The following FAF1 variants were observed in gnomAD, a reference collection of about 807,000 sequenced individuals.
FAF1 encodes the protein FAS-associated factor 1.
FAF1 carries 25 observed loss-of-function variants against 92.5 expected under a neutral mutation model. The ratio of observed to expected loss-of-function variants is 0.27; its 90% CI spans 0.20 to 0.38. FAF1 has a LOEUF of 0.38. FAF1 is among the 10% of genes least tolerant of loss of function. The probability of loss-of-function intolerance (pLI) is 1.00; values close to 1 mark genes in which losing one functional copy is unlikely to be tolerated. For synonymous variants in FAF1, 234 were observed against 273.2 expected (o/e 0.86, Z 1.42); for missense variants, 636 against 793.3 (o/e 0.80, Z 2.38).
intron 1 of FAF1, among the ~76,000 whole-genome samples, chr1:50,916,117 A>G (rs948222620): frequency 3.9e-5 from 6 of 152,214 alleles, no homozygotes; most frequent in African/African-American, 1.2e-4. Context: ...ACATTTGAGG[A>G]AAGCCTAGCA....
intron 17 of FAF1, among the ~76,000 whole-genome samples, chr1:50,486,148 G>C (rs1004052750): frequency 5.9e-5 from 9 of 152,148 alleles, no homozygotes; most frequent in African/African-American, 2.2e-4. Context: ...CCACTTAGTA[G>C]TCATTAATAT....
rs373578502 is a variant in FAF1 at position 50,561,848 on chromosome 1, CGGAAGGAAGGAA to C, written c.1268+5217_1268+5228del. 8.0e-3 allele frequency among the ~76,000 whole-genome samples: 1,022 copies of C among 128,548 alleles called. 10 individuals are homozygous for C. The highest frequency in any genetic ancestry group is 0.029 in the African/African-American group (904 of 30,820). 84.3% of individuals were successfully genotyped at this position (128,548 alleles called of 152,430 possible). ...TAGGACAGACGGATGGACGGATGGA[CGGAAGGAAGGAA>C]GGAAGGAAGGAAGGAAGGAAGGAAG... On this transcript the variant is annotated intron_variant, in intron 13 of 18. Transcript: ENST00000396153.
At chr1:50,463,260 C>T (rs1646454920) in intron 18 of FAF1, among the ~76,000 whole-genome samples, 1 of 152,132 alleles carries the variant, frequency 6.6e-6, no homozygotes, top group South Asian at 2.1e-4. Context: ...TTAAACACGT[C>T]CTGTATGATT....
At chr1:50,554,364 A>AATATATATAT (rs149420376) in intron 13 of FAF1, among the ~76,000 whole-genome samples, 9 of 117,182 alleles carry the variant, frequency 7.7e-5, no homozygotes, top group African/African-American at 1.4e-4. Flanking sequence ...AAATGAGGTA[A>AATATATATAT]ATATATATAT....
intron 2 of FAF1, among the ~76,000 whole-genome samples, chr1:50,809,925 T>C (rs1384710083): frequency 6.6e-6 from 1 of 152,222 alleles, no homozygotes; most frequent in Non-Finnish European, 1.5e-5. Flanking sequence ...TGCTTTATGA[T>C]CAAGTGGGCC....
In FAF1 at chr1:50,457,724, C is replaced by CAAAAAAAAAAAAAAAAAAAAAAAAA. The variant is rs35479561; in HGVS notation, c.1870-16202_1870-16201insTTTTTTTTTTTTTTTTTTTTTTTTT. Among the ~76,000 whole-genome samples, 39 of 56,560 alleles carry CAAAAAAAAAAAAAAAAAAAAAAAAA rather than the reference C, an allele frequency of 6.9e-4. 1 individual carries two copies. Among genetic ancestry groups the CAAAAAAAAAAAAAAAAAAAAAAAAA allele is most frequent in the African/African-American group, 1.5e-3 (16 of 10,436 alleles). The allele number at this position is 56,560 out of a possible 152,430, so 37.1% of individuals were successfully genotyped here. ...GCAATTCGGTGAAACCCCATCTCTG[C>CAAAAAAAAAAAAAAAAAAAAAAAAA]AAAAAAAAAAAAAAAAAAAAAATAC... On this transcript the variant is annotated intron_variant, in intron 18 of 18. Transcript: ENST00000396153.
chr1:50,505,360 C>G (rs955366085), intron 15 of FAF1, among the ~76,000 whole-genome samples: 1 of 152,118 alleles, frequency 6.6e-6, no homozygotes, highest in South Asian at 2.1e-4. Flanking sequence ...CAGCCAAACA[C>G]CTATTCCTCT....
chr1:50,697,285 T>C (rs929585801), intron 7 of FAF1, among the ~76,000 whole-genome samples: 2 of 152,218 alleles, frequency 1.3e-5, no homozygotes, highest in African/African-American at 4.8e-5. Flanking sequence ...TACTTAGCCA[T>C]GATAATCCAG....
chr1:50,758,043 G>A (rs578164785), intron 4 of FAF1, among the ~76,000 whole-genome samples: 9 of 152,128 alleles, frequency 5.9e-5, no homozygotes, highest in East Asian at 5.8e-4. Flanking sequence ...TCAGCCTCCC[G>A]AGTAGCTGAA....
chr1:50,885,312 T>TCTCACACACA (rs906105476), intron 1 of FAF1, among the ~76,000 whole-genome samples: 1 of 137,370 alleles, frequency 7.3e-6, no homozygotes, highest in African/African-American at 2.9e-5. Context: ...TCTCTCTCTC[T>TCTCACACACA]CACACACACA....
chr1:50,520,734 G>A (rs1189926890), intron 15 of FAF1, among the ~76,000 whole-genome samples: 1 of 152,136 alleles, frequency 6.6e-6, no homozygotes, highest in East Asian at 1.9e-4. Flanking sequence ...TGTAGTCCCA[G>A]CAACTGGGAG....
chr1:50,877,417 A>T (rs962269212), intron 1 of FAF1, among the ~76,000 whole-genome samples: 8 of 152,208 alleles, frequency 5.3e-5, no homozygotes, highest in Non-Finnish European at 1.0e-4. Flanking sequence ...AAACTAACAC[A>T]GAAGGAGGAG....
At chr1:50,772,357 A>T (rs1211015324) in intron 4 of FAF1, among the ~76,000 whole-genome samples, 1 of 152,178 alleles carries the variant, frequency 6.6e-6, no homozygotes, top group East Asian at 1.9e-4. Context: ...GTATATACAC[A>T]AAGGAACATC....
chr1:50,616,400 AAC>A (rs1183563544), intron 8 of FAF1, among the ~76,000 whole-genome samples: 1 of 152,226 alleles, frequency 6.6e-6, no homozygotes, highest in Admixed American at 6.5e-5. Flanking sequence ...TGATCGGAAT[AAC>A]ACAGAATCTG....
intron 9 of FAF1, among the ~76,000 whole-genome samples, chr1:50,591,858 CTGAATGGAA>C (rs753646543): frequency 5.9e-5 from 9 of 152,016 alleles, no homozygotes; most frequent in Non-Finnish European, 1.3e-4. Flanking sequence ...CTTTTTTTCT[CTGAATGGAA>C]TGAATGGAAT....
intron 7 of FAF1, among the ~76,000 whole-genome samples, chr1:50,664,519 G>A (rs12038502): frequency 0.14 from 21,477 of 149,628 alleles, 2,486 homozygotes; most frequent in East Asian, 0.55. Context: ...GGCTGGGGGC[G>A]GTGGCTCATG....
chr1:50,801,120 T>C (rs1336133102), intron 3 of FAF1, among the ~76,000 whole-genome samples: 1 of 152,240 alleles, frequency 6.6e-6, no homozygotes, highest in African/African-American at 2.4e-5. Flanking sequence ...ACCATTCCAC[T>C]TGTTAACACT....
chr1:50,472,420 CACAAA>C (rs1646587387), intron 18 of FAF1, among the ~76,000 whole-genome samples: 1 of 136,820 alleles, frequency 7.3e-6, no homozygotes, highest in East Asian at 2.0e-4. Context: ...CACACACACA[CACAAA>C]CCCCAAAACC....
intron 14 of FAF1, among the ~76,000 whole-genome samples, chr1:50,536,292 G>A (rs1648477205): frequency 6.6e-6 from 1 of 152,084 alleles, no homozygotes; most frequent in South Asian, 2.1e-4. Flanking sequence ...TTAAGTCATT[G>A]TTATTTGCTT....
Sources: allele counts gnomAD v4.1 joint callset (sites outside exome capture counted in the v4.1 genomes callset), GRCh38; gene constraint gnomAD v4.1.1; transcripts MANE v1.5; gene names NCBI Gene and HGNC (gene_info 2026-07-23, HGNC 2026-07-21).